The following KCNH1 variants were observed in gnomAD, a reference collection of about 807,000 sequenced individuals.
KCNH1 encodes potassium voltage-gated channel subfamily H member 1, also known as voltage-gated delayed rectifier potassium channel KCNH1.
Under a neutral mutation model 69.2 loss-of-function variants are expected in KCNH1, and 27 were observed. That is an observed-to-expected ratio of 0.39 (90% CI 0.29 to 0.54). KCNH1 has a LOEUF of 0.54. Among genes scored for constraint, KCNH1 ranks in the 20% least tolerant of loss-of-function variants. The pLI, the probability that KCNH1 is intolerant of heterozygous loss-of-function variation, is 0.68. For synonymous variants in KCNH1, 456 were observed against 487.7 expected (o/e 0.93, Z 0.86); for missense variants, 798 against 1,261.6 (o/e 0.63, Z 5.57).
At chr1:210,956,700 T>C (rs1574360448) in intron 6 of KCNH1, among the ~76,000 whole-genome samples, 1 of 152,190 alleles carries the variant, frequency 6.6e-6, no homozygotes. Context: ...TTTATTTGCA[T>C]AGAGGTGTTT....
intron 6 of KCNH1, among the ~76,000 whole-genome samples, chr1:211,015,381 A>T (rs1689474756): frequency 6.6e-6 from 1 of 152,180 alleles, no homozygotes; most frequent in South Asian, 2.1e-4. Context: ...ATGTTATTCC[A>T]TCTTGAGTGA....
intron 5 of KCNH1, among the ~76,000 whole-genome samples, chr1:211,079,441 G>A (rs547289769): frequency 6.6e-6 from 1 of 152,316 alleles, no homozygotes; most frequent in South Asian, 2.1e-4. Context: ...AATAGAAAAA[G>A]AGGGAATCCT....
intron 5 of KCNH1, among the ~76,000 whole-genome samples, chr1:211,057,932 T>G (rs1690343796): frequency 6.6e-6 from 1 of 151,594 alleles, no homozygotes; most frequent in South Asian, 2.1e-4. Flanking sequence ...CTCCCAAAAG[T>G]CAAGGATAAA....
At position 210,797,601 on chromosome 1, in the gene KCNH1, T is replaced by C. The variant is rs1340087492; in HGVS notation, c.1822A>G (p.Ile608Val). 6.2e-7 allele frequency: 1 copy of C among 1,614,238 alleles called. No individual in the cohort carries two copies. Among genetic ancestry groups the C allele is most frequent in the Non-Finnish European group, 8.5e-7 (1 of 1,180,040 alleles). The change falls in exon 9 of 11, where the codon ATC (isoleucine) becomes GTC (valine). Residue 608 changes from isoleucine (I) to valine (V), a missense_variant. Ile to Val is a conservative substitution (Grantham distance 29). Coordinates refer to ENST00000271751, the MANE Select transcript of KCNH1 (RefSeq NM_172362.3). Reference sequence around the variant, plus strand: ...TCAACGCTCTCTCCTGCATGGTAGATGAGGTCCCCTGGGGCACAGTGCACC... The same window carrying C: ...TCAACGCTCTCTCCTGCATGGTAGACGAGGTCCCCTGGGGCACAGTGCACC... ...QTVHCAPGDL[I>V]YHAGESVDSL... is the part of the protein sequence containing the mutation.
intron 7 of KCNH1, among the ~76,000 whole-genome samples, chr1:210,876,778 G>C (rs1686384907): frequency 6.6e-6 from 1 of 152,022 alleles, no homozygotes; most frequent in Admixed American, 6.6e-5. Flanking sequence ...CTCTGTATGG[G>C]GCAGTGAAGG....
intron 7 of KCNH1, among the ~76,000 whole-genome samples, chr1:210,869,200 A>G (rs1302632232): frequency 2.6e-5 from 4 of 151,690 alleles, no homozygotes; most frequent in African/African-American, 9.7e-5. Flanking sequence ...CTCTTTATCA[A>G]TTTTGTTCAG....
chr1:211,114,924 CT>C (rs569036701), intron 1 of KCNH1, among the ~76,000 whole-genome samples: 2 of 151,880 alleles, frequency 1.3e-5, no homozygotes, highest in East Asian at 1.9e-4. Context: ...ATTAATAATT[CT>C]TTTTTTGGGG....
intron 10 of KCNH1, among the ~76,000 whole-genome samples, chr1:210,711,894 C>A (rs113285214): frequency 6.6e-5 from 10 of 152,314 alleles, no homozygotes; most frequent in Admixed American, 2.6e-4. Flanking sequence ...TGGTTAGTTT[C>A]TCTGGAGGAA....
chr1:210,977,458 C>T (rs1240857643), intron 6 of KCNH1, among the ~76,000 whole-genome samples: 2 of 151,640 alleles, frequency 1.3e-5, no homozygotes, highest in Non-Finnish European at 2.9e-5. Context: ...AAAAAAAAAC[C>T]GTACACCTTT....
At chr1:210,744,571 G>T (rs1038383319) in intron 10 of KCNH1, among the ~76,000 whole-genome samples, 1 of 152,128 alleles carries the variant, frequency 6.6e-6, no homozygotes, top group Non-Finnish European at 1.5e-5. Context: ...TTGAACCCGG[G>T]AGGCGGAGGT....
chr1:211,105,884 T>C (rs1361785971), intron 2 of KCNH1, among the ~76,000 whole-genome samples: 2 of 152,192 alleles, frequency 1.3e-5, no homozygotes, highest in Non-Finnish European at 2.9e-5. Flanking sequence ...CCTTTGAACA[T>C]TTGAGGGAAG....
intron 1 of KCNH1, among the ~76,000 whole-genome samples, chr1:211,126,602 G>A (rs1691781421): frequency 6.6e-6 from 1 of 150,894 alleles, no homozygotes; most frequent in Non-Finnish European, 1.5e-5. Flanking sequence ...AGGATTACTT[G>A]AGCCTGGGAG....
At chr1:211,119,726 T>C (rs1308675876) in intron 1 of KCNH1, among the ~76,000 whole-genome samples, 1 of 152,224 alleles carries the variant, frequency 6.6e-6, no homozygotes, top group Non-Finnish European at 1.5e-5. Context: ...ATGACTCTTC[T>C]AAATTGCCAA....
chr1:210,862,878 A>C (rs1305303433), intron 7 of KCNH1, among the ~76,000 whole-genome samples: 1 of 152,222 alleles, frequency 6.6e-6, no homozygotes, highest in Admixed American at 6.5e-5. Flanking sequence ...AATCTCAAAA[A>C]TGTACAAACC....
At chr1:211,009,244 G>A (rs898745137) in intron 6 of KCNH1, among the ~76,000 whole-genome samples, 2 of 152,124 alleles carry the variant, frequency 1.3e-5, no homozygotes, top group African/African-American at 4.8e-5. Context: ...GACATCACTG[G>A]CACCTTTGAC....
intron 1 of KCNH1, among the ~76,000 whole-genome samples, chr1:211,112,501 T>TAAAAAA (rs74258707): frequency 4.7e-5 from 6 of 126,410 alleles, no homozygotes; most frequent in Non-Finnish European, 7.1e-5. Flanking sequence ...ATTAAATAAA[T>TAAAAAA]AAAAAAAAAA....
intron 5 of KCNH1, among the ~76,000 whole-genome samples, chr1:211,031,774 G>A (rs1412165087): frequency 7.2e-5 from 11 of 152,132 alleles, no homozygotes; most frequent in Admixed American, 6.5e-4. Context: ...AATAATAAGA[G>A]CTATCTATGA....
At chr1:210,902,488 G>A (rs1458021037) in intron 7 of KCNH1, among the ~76,000 whole-genome samples, 2 of 152,200 alleles carry the variant, frequency 1.3e-5, no homozygotes, top group African/African-American at 2.4e-5. Flanking sequence ...CTGTTTTGAG[G>A]CTAAAAGGGA....
intron 6 of KCNH1, among the ~76,000 whole-genome samples, chr1:210,924,146 C>T (rs771745465): frequency 3.5e-4 from 53 of 152,348 alleles, no homozygotes; most frequent in Non-Finnish European, 7.1e-4. Context: ...GCAATAGATT[C>T]TCTCCATGGC....
Sources: gnomAD v4.1 joint callset for allele counts (sites outside exome capture counted in the v4.1 genomes callset) on GRCh38, gnomAD v4.1.1 for gene constraint, MANE v1.5 for transcripts, NCBI Gene and HGNC (gene_info 2026-07-23, HGNC 2026-07-21) for gene names.